Variants in DEPTOR observed in about 807,000 individuals in gnomAD.
The protein encoded by DEPTOR is DEP domain-containing mTOR-interacting protein.
DEPTOR carries 41 observed loss-of-function variants against 41.6 expected under a neutral mutation model. The observed-to-expected ratio is 0.98, with a 90% CI of 0.77 to 1.28. The LOEUF (loss-of-function observed/expected upper bound fraction) is 1.28, where lower values mean the gene tolerates loss of function less well. DEPTOR is among the 50% of genes most tolerant of loss of function. The probability of loss-of-function intolerance (pLI) is 0.00; values close to 1 mark genes in which losing one functional copy is unlikely to be tolerated. For synonymous variants in DEPTOR, 195 were observed against 192.3 expected, an observed-to-expected ratio of 1.01 and a Z score of -0.12; for missense variants, 514 against 527.9, an observed-to-expected ratio of 0.97 and a Z score of 0.26.
chr8:119,886,491 A>ACACG (rs1827366090), intron 1 of DEPTOR, among the ~76,000 whole-genome samples: 1 of 151,966 alleles, frequency 6.6e-6, no homozygotes, highest in Non-Finnish European at 1.5e-5. Context: ...ATACACACAC[A>ACACG]GACACACACA....
At chr8:119,980,160 C>CAAAA (rs548586298) in intron 4 of DEPTOR, among the ~76,000 whole-genome samples, 26 of 115,636 alleles carry the variant, frequency 2.2e-4, no homozygotes, top group African/African-American at 8.2e-4. Flanking sequence ...GTAGAAATAG[C>CAAAA]AAAAAAAAAA....
chr8:119,880,467 A>G (rs1265530670), intron 1 of DEPTOR, among the ~76,000 whole-genome samples: 1 of 152,216 alleles, frequency 6.6e-6, no homozygotes, highest in African/African-American at 2.4e-5. Flanking sequence ...CTTAAGCACT[A>G]TGATAAGCTA....
chr8:119,970,813 T>G (rs1280465124), intron 4 of DEPTOR, among the ~76,000 whole-genome samples: 1 of 152,152 alleles, frequency 6.6e-6, no homozygotes, highest in Non-Finnish European at 1.5e-5. Context: ...CAGTTTCCTA[T>G]GTTCTTCCTT....
At chr8:120,024,533 G>A (rs1029686109) in intron 8 of DEPTOR, among the ~76,000 whole-genome samples, 1 of 152,150 alleles carries the variant, frequency 6.6e-6, no homozygotes, top group African/African-American at 2.4e-5. Flanking sequence ...CAATATGACT[G>A]ATGTCCTTCT....
chr8:120,000,259 T>G (rs1812326568), intron 4 of DEPTOR, among the ~76,000 whole-genome samples: 1 of 152,048 alleles, frequency 6.6e-6, no homozygotes, highest in Non-Finnish European at 1.5e-5. Context: ...TTTCATCACC[T>G]CAAAAAGAAA....
intron 8 of DEPTOR, among the ~76,000 whole-genome samples, chr8:120,025,906 T>G (rs1812789474): frequency 6.6e-6 from 1 of 151,986 alleles, no homozygotes; most frequent in Non-Finnish European, 1.5e-5. Flanking sequence ...TCCTACCTGA[T>G]CTGCCTTCCT....
At chr8:119,900,380 CTTTTT>C (rs377443807) in intron 1 of DEPTOR, among the ~76,000 whole-genome samples, 18 of 43,918 alleles carry the variant, frequency 4.1e-4, no homozygotes, top group African/African-American at 1.7e-3. Flanking sequence ...CACCCCTCAC[CTTTTT>C]TTTTTTTTTT....
chr8:119,927,996 G>A (rs1378411916), intron 1 of DEPTOR, among the ~76,000 whole-genome samples: 1 of 152,100 alleles, frequency 6.6e-6, no homozygotes, highest in African/African-American at 2.4e-5. Flanking sequence ...CAAGTAGGGT[G>A]GGCCCTGAAC....
At chr8:120,018,175 T>C (rs1171680042) in intron 8 of DEPTOR, among the ~76,000 whole-genome samples, 1 of 152,204 alleles carries the variant, frequency 6.6e-6, no homozygotes, top group African/African-American at 2.4e-5. Context: ...GCTAAGATAA[T>C]TTGGGAACTA....
Position 119,928,528 on chromosome 8 carries a change from C to T in DEPTOR, c.251C>T (p.Thr84Met), listed in dbSNP as rs370751115. The change falls in exon 2 of 9, where the codon ACG becomes ATG. Residue 84 changes from threonine (T) to methionine (M), a missense_variant. By Grantham distance (81) the Thr-to-Met change is moderately conservative (BLOSUM62 -1). Transcript: ENST00000286234. ...IEHKEASDRE[T>M]AIKLMQKLAD... is the part of the protein sequence containing the mutation. ...CACAAAGAGGCTTCTGACAGAGAGA[C>T]GGCAATTAAACTCATGCAGAAATTA... 23 of 1,614,096 alleles carry T rather than the reference C, an allele frequency of 1.4e-5. No individual in the cohort carries two copies. Among genetic ancestry groups the T allele is most frequent in the African/African-American group, 1.3e-4 (10 of 75,012 alleles).
rs60202859 is a variant in DEPTOR, at chr8:119,959,158, C to CTTTTT, written c.426-6056_426-6052dup. Among the ~76,000 whole-genome samples, 484 of 114,816 alleles carry CTTTTT rather than the reference C, an allele frequency of 4.2e-3. 1 individual carries two copies. The highest frequency in any genetic ancestry group is 5.1e-3 in the African/African-American group (150 of 29,448). 75.3% of individuals were successfully genotyped at this position (114,816 alleles called of 152,430 possible). ...GCTATTTCTTTTTCTTTCTTTCTTT[C>CTTTTT]TTTTTTTTTTTTTTTTTTTTTTGAG... On this transcript the variant is annotated intron_variant, in intron 3 of 8. Coordinates refer to ENST00000286234, the MANE Select transcript of DEPTOR (RefSeq NM_022783.4).
At chr8:119,897,995 A>T (rs6469865) in intron 1 of DEPTOR, among the ~76,000 whole-genome samples, 75,451 of 151,794 alleles carry the variant, frequency 0.5, 20,429 homozygotes, top group East Asian at 0.92. Flanking sequence ...ATGTACAAAT[A>T]TTCATACATC....
chr8:120,047,066 C>T (rs1311219894), intron 8 of DEPTOR, among the ~76,000 whole-genome samples: 2 of 152,146 alleles, frequency 1.3e-5, no homozygotes, highest in African/African-American at 2.4e-5. Flanking sequence ...CTTTGTTGCC[C>T]AGGCTAGAGT....
At chr8:119,968,409 G>A (rs1004564385) in intron 4 of DEPTOR, among the ~76,000 whole-genome samples, 5 of 151,862 alleles carry the variant, frequency 3.3e-5, no homozygotes, top group Admixed American at 1.3e-4. Flanking sequence ...CACTTCCCAG[G>A]TTCAAGGGAT....
chr8:119,987,437 C>T (rs889189413), intron 4 of DEPTOR, among the ~76,000 whole-genome samples: 7 of 152,170 alleles, frequency 4.6e-5, no homozygotes, highest in African/African-American at 1.7e-4. Flanking sequence ...CAGATGCCAA[C>T]CAGAGCTCTC....
At chr8:120,017,746 A>AAGATATCCTTGCTCTTTTCTG (rs1431604196) in intron 8 of DEPTOR, among the ~76,000 whole-genome samples, 31 of 152,316 alleles carry the variant, frequency 2.0e-4, no homozygotes, top group African/African-American at 7.2e-4. Context: ...TCAGGAACAA[A>AAGATATCCTTGCTCTTTTCTG]AGATATCCTT....
chr8:119,996,702 A>G (rs1249363782), intron 4 of DEPTOR, among the ~76,000 whole-genome samples: 2 of 152,192 alleles, frequency 1.3e-5, no homozygotes, highest in African/African-American at 4.8e-5. Context: ...GAAGTCTGCT[A>G]TAGATTTTTT....
intron 3 of DEPTOR, among the ~76,000 whole-genome samples, chr8:119,951,946 G>C (rs763752740): frequency 1.3e-5 from 2 of 152,098 alleles, no homozygotes; most frequent in Non-Finnish European, 2.9e-5. Flanking sequence ...AGACAAGCCT[G>C]GGCAACATGG....
At position 119,965,231 on chromosome 8, in the gene DEPTOR, G is replaced by T; in HGVS notation, c.426-1G>T. 1 of 1,599,340 alleles carries T rather than the reference G, an allele frequency of 6.3e-7. No homozygotes were observed. Among genetic ancestry groups the T allele is most frequent in the Non-Finnish European group, 8.5e-7 (1 of 1,175,916 alleles). On this transcript the variant is annotated splice_acceptor_variant, in intron 3 of 8. Coordinates refer to ENST00000286234, the MANE Select transcript of DEPTOR (RefSeq NM_022783.4). LOFTEE classifies it high-confidence loss of function. ...TTTCTTTTCCCTTTTTTTCTTCCCAGGCTGATGAGCCCTGAAAACACACTC... is the reference window on the plus strand; with the variant it reads ...TTTCTTTTCCCTTTTTTTCTTCCCATGCTGATGAGCCCTGAAAACACACTC...
Sources: allele counts gnomAD v4.1 joint callset (sites outside exome capture counted in the v4.1 genomes callset), GRCh38; gene constraint gnomAD v4.1.1; transcripts MANE v1.5; gene names NCBI Gene and HGNC (gene_info 2026-07-23, HGNC 2026-07-21).